Variants in CHD1L observed in about 807,000 individuals in gnomAD.
CHD1L encodes chromodomain helicase DNA binding protein 1 like, also known as ATP-dependent chromatin remodeler CHD1L.
In CHD1L, 118 loss-of-function variants were observed where a neutral mutation model predicts 115.9. The ratio of observed to expected loss-of-function variants is 1.02; its 90% CI spans 0.88 to 1.19. The LOEUF (loss-of-function observed/expected upper bound fraction) is 1.19, where lower values mean the gene tolerates loss of function less well. CHD1L is among the 50% of genes most tolerant of loss of function. The pLI is 0.00. For missense variants in CHD1L, 1,179 were observed against 1,065.3 expected, an observed-to-expected ratio of 1.11 and a Z score of -1.49; for synonymous variants, 411 against 387.1, an observed-to-expected ratio of 1.06 and a Z score of -0.72.
the CHD1L span, among the ~76,000 whole-genome samples, chr1:147,200,062 C>T: frequency 6.6e-6 from 1 of 152,154 alleles, no homozygotes; most frequent in African/African-American, 2.4e-5. Context: ...TCTCCTGCCC[C>T]GGCCCAGTGA....
intron 5 of CHD1L, 162 bp from the exon 6 acceptor site, chr1:147,259,675 T>C (rs782320577): frequency 6.5e-6 from 4 of 617,054 alleles, no homozygotes; most frequent in Admixed American, 2.5e-5. Context: ...TATTGTATTA[T>C]GCACATGTAG....
At chr1:147,292,769 T>C (rs1301203544) in intron 20 of CHD1L, among the ~76,000 whole-genome samples, 2 of 152,128 alleles carry the variant, frequency 1.3e-5, no homozygotes, top group African/African-American at 2.4e-5. Context: ...CTAGATGTCA[T>C]GTGAACTACC....
At chr1:147,204,803 G>A in the CHD1L span, 10 of 1,601,096 alleles carry the variant, frequency 6.2e-6, no homozygotes, top group African/African-American at 4.0e-5. Context: ...TATGCTGTAC[G>A]AGTGGTTTGG....
At chr1:147,270,817 ATT>A in intron 10 of CHD1L, 113 bp from the exon 11 acceptor site, 1 of 824,242 alleles carries the variant, frequency 1.2e-6, no homozygotes, top group East Asian at 2.6e-5. Context: ...CGACACTTAT[ATT>A]TCTACTTTGG....
Position 147,284,448 on chromosome 1 carries a change from C to A in CHD1L, c.1803C>A (p.Thr601=). ...AACAACTGGTAAACCTTCAGAAAAC[C>A]CTTTTGGAGAAAGCTAGTCAAGAGG... ...SFEQLVNLQK[T]LLEKASQEGR... The change falls in exon 16 of 23, where the codon ACC becomes ACA. Residue 601 remains threonine (T), a synonymous_variant. Coordinates refer to ENST00000369258, the MANE Select transcript of CHD1L (RefSeq NM_004284.6). 6.2e-7 allele frequency: 1 copy of A among 1,611,212 alleles called. No homozygotes were observed. Among genetic ancestry groups the A allele is most frequent in the Non-Finnish European group, 8.5e-7 (1 of 1,178,860 alleles).
At chr1:147,197,315 T>C in the CHD1L span, among the ~76,000 whole-genome samples, 48,945 of 152,036 alleles carry the variant, frequency 0.32, 8,256 homozygotes, top group African/African-American at 0.43. Flanking sequence ...ACTGCTCTCA[T>C]GGCAGCTCTT....
At chr1:147,241,202 C>G (rs1168053399), upstream of CHD1L, among the ~76,000 whole-genome samples, 1 of 152,164 alleles carries the variant, frequency 6.6e-6, no homozygotes, top group Non-Finnish European at 1.5e-5. Flanking sequence ...CCTCTGAGCC[C>G]AAGCTAAGCC....
chr1:147,225,246 AC>A, the CHD1L span: 1 of 1,315,528 alleles, frequency 7.6e-7, no homozygotes, highest in Non-Finnish European at 1.0e-6. Context: ...CGCCTGCAAG[AC>A]CCAGAGCTGA....
the CHD1L span, among the ~76,000 whole-genome samples, chr1:147,205,241 T>G: frequency 2.6e-5 from 4 of 152,208 alleles, no homozygotes; most frequent in Non-Finnish European, 5.9e-5. Context: ...GTGAAAGGTT[T>G]TTAGGAAACA....
At chr1:147,194,606 C>T in the CHD1L span, among the ~76,000 whole-genome samples, 3 of 152,064 alleles carry the variant, frequency 2.0e-5, no homozygotes, top group Non-Finnish European at 2.9e-5. Context: ...CTAGCCTTGA[C>T]AGTCTTTACA....
At chr1:147,200,593 C>T in the CHD1L span, among the ~76,000 whole-genome samples, 164 of 149,898 alleles carry the variant, frequency 1.1e-3, 1 homozygote, top group African/African-American at 3.7e-3. Context: ...ACCTATTCCC[C>T]TTTTTTTTTC....
intron 12 of CHD1L, among the ~76,000 whole-genome samples, chr1:147,274,524 C>T (rs1463196076): frequency 6.6e-6 from 1 of 152,160 alleles, no homozygotes; most frequent in African/African-American, 2.4e-5. Context: ...TTGCTTGTTT[C>T]AGCAACCAGC....
chr1:147,290,050 A>G (rs1553968987), intron 19 of CHD1L, among the ~76,000 whole-genome samples: 1 of 152,188 alleles, frequency 6.6e-6, no homozygotes, highest in Non-Finnish European at 1.5e-5. Flanking sequence ...CAACCTAACC[A>G]ATAGACAGGG....
intron 15 of CHD1L, among the ~76,000 whole-genome samples, chr1:147,283,815 C>T (rs905853077): frequency 2.0e-5 from 3 of 152,110 alleles, no homozygotes; most frequent in African/African-American, 7.2e-5. Flanking sequence ...TCTGCCTAAG[C>T]CTCAGTTTTC....
At chr1:147,247,903 A>G (rs116881262) in intron 1 of CHD1L, among the ~76,000 whole-genome samples, 2 of 152,308 alleles carry the variant, frequency 1.3e-5, no homozygotes, top group East Asian at 3.9e-4. Flanking sequence ...CACAGCTGTT[A>G]AAGTTTCTCC....
chr1:147,210,926 T>C, the CHD1L span: 1 of 152,180 alleles, frequency 6.6e-6, no homozygotes, highest in African/African-American at 2.4e-5. Context: ...TACAAAAGCA[T>C]CTACAAGAAT....
At chr1:147,186,462 G>GAAA in the CHD1L span, 1 of 944,160 alleles carries the variant, frequency 1.1e-6, no homozygotes, top group Non-Finnish European at 1.3e-6. Context: ...GTTATAATAT[G>GAAA]AAAAAAAACT....
At chr1:147,179,353 C>A in the CHD1L span, 1 of 1,600,482 alleles carries the variant, frequency 6.2e-7, no homozygotes, top group Non-Finnish European at 8.6e-7. Flanking sequence ...GAACCTGGAG[C>A]CCAAGTATAA....
At chr1:147,197,540 T>C in the CHD1L span, among the ~76,000 whole-genome samples, 1 of 152,080 alleles carries the variant, frequency 6.6e-6, no homozygotes, top group Non-Finnish European at 1.5e-5. Context: ...CTCATACTGC[T>C]CATGCTGTTC....
Sources: allele counts gnomAD v4.1 joint callset (sites outside exome capture counted in the v4.1 genomes callset), GRCh38; gene constraint gnomAD v4.1.1; transcripts MANE v1.5; gene names NCBI Gene and HGNC (gene_info 2026-07-23, HGNC 2026-07-21).